The following RIMS1 variants were observed in gnomAD, a reference collection of about 807,000 sequenced individuals.
RIMS1 encodes regulating synaptic membrane exocytosis 1, also known as regulating synaptic membrane exocytosis protein 1.
A neutral mutation model predicts 214.1 loss-of-function variants in RIMS1; 83 were observed. The observed-to-expected ratio is 0.39, with a 90% CI of 0.32 to 0.47. The LOEUF is 0.47. RIMS1 is among the 20% of genes least tolerant of loss of function. RIMS1 has a pLI of 0.99. For missense variants in RIMS1, 2,050 were observed against 2,161.8 expected (o/e 0.95, Z 1.03); for synonymous variants, 793 against 786.8 (o/e 1.01, Z -0.13).
intron 1 of RIMS1, among the ~76,000 whole-genome samples, chr6:71,923,417 T>C (rs1780606592): frequency 6.6e-6 from 1 of 152,166 alleles, no homozygotes; most frequent in Admixed American, 6.5e-5. Flanking sequence ...GGGAGCACTG[T>C]CTTTCTCAGT....
intron 4 of RIMS1, among the ~76,000 whole-genome samples, chr6:72,177,824 G>T (rs2047922447): frequency 6.6e-6 from 1 of 152,134 alleles, no homozygotes; most frequent in South Asian, 2.1e-4. Context: ...GAAGGTCCTG[G>T]CCCTGGAGTA....
intron 4 of RIMS1, among the ~76,000 whole-genome samples, chr6:72,155,776 C>T (rs2153912812): frequency 7.1e-6 from 1 of 140,408 alleles, no homozygotes; most frequent in Non-Finnish European, 1.6e-5. Context: ...CCACCAGGTT[C>T]CTCCCATGAC....
intron 1 of RIMS1, among the ~76,000 whole-genome samples, chr6:71,943,315 C>A (rs572410708): frequency 6.6e-6 from 1 of 152,102 alleles, no homozygotes; most frequent in African/African-American, 2.4e-5. Context: ...CCTTTGGGAA[C>A]AATTTGTTGA....
intron 4 of RIMS1, among the ~76,000 whole-genome samples, chr6:72,150,441 A>G (rs538161261): frequency 6.6e-6 from 1 of 152,064 alleles, no homozygotes; most frequent in South Asian, 2.1e-4. Flanking sequence ...TCTGTTTAGG[A>G]TTTGTCTGCC....
intron 4 of RIMS1, among the ~76,000 whole-genome samples, chr6:72,104,935 ATTGAG>A (rs1458279066): frequency 4.0e-5 from 6 of 151,896 alleles, no homozygotes; most frequent in African/African-American, 2.4e-5. Context: ...TTATTTATTT[ATTGAG>A]TTATTTATTT....
chr6:72,237,374 A>G lies in RIMS1; in HGVS notation c.1858-449A>G, dbSNP rs559694507. Among the ~76,000 whole-genome samples the G allele has an allele frequency of 3.3e-5, 5 of 152,188 alleles. No homozygotes were observed. In the South Asian group the frequency reaches 1.0e-3, roughly 32 times the overall value. On this transcript the variant is annotated intron_variant, in intron 8 of 33. Transcript: ENST00000521978. ...TGTTTTCAAAACTGTGCTCCCAGCT[A>G]CTTTAATCAAAAATGTAGGTGAAGC...
At chr6:71,908,471 T>G (rs1026873230) in intron 1 of RIMS1, among the ~76,000 whole-genome samples, 5 of 152,030 alleles carry the variant, frequency 3.3e-5, no homozygotes, top group African/African-American at 1.2e-4. Context: ...AGATAGGAGG[T>G]GGACACTGCT....
At chr6:72,245,748 G>T in intron 10 of RIMS1, 67 bp from the exon 11 acceptor site, 1 of 1,211,556 alleles carries the variant, frequency 8.3e-7, no homozygotes, top group Non-Finnish European at 1.2e-6. Context: ...CACGTATAAT[G>T]GGCTATGATT....
chr6:72,036,356 A>T, intron 2 of RIMS1, among the ~76,000 whole-genome samples: 1 of 152,328 alleles, frequency 6.6e-6, no homozygotes, highest in Admixed American at 6.5e-5. Flanking sequence ...CTGGAAAATC[A>T]TACCCATTCA....
At chr6:71,948,297 A>G (rs1406944657) in intron 1 of RIMS1, among the ~76,000 whole-genome samples, 1 of 152,132 alleles carries the variant, frequency 6.6e-6, no homozygotes, top group Non-Finnish European at 1.5e-5. Context: ...ACTTGCTAGG[A>G]TTATGCTTCT....
chr6:72,394,774 A>G (rs948727387), intron 31 of RIMS1, among the ~76,000 whole-genome samples: 2 of 152,080 alleles, frequency 1.3e-5, no homozygotes, highest in Non-Finnish European at 2.9e-5. Flanking sequence ...ACTGAGGTCT[A>G]AAACAGAATT....
rs1416430433 is a variant in RIMS1 at position 72,307,311 on chromosome 6, T to C, written c.3904T>C (p.Phe1302Leu). The change falls in exon 27 of 34, where the codon TTT (phenylalanine) becomes CTT (leucine). Residue 1302 changes from phenylalanine (F) to leucine (L), a missense_variant. By Grantham distance (22) the Phe-to-Leu change is conservative (BLOSUM62 0). This residue lies in a region of RIMS1 where 889 missense variants were observed against 885.5 expected (regional missense o/e 1.00). Transcript: ENST00000521978. ...ACAGATGAAAATGAAAGTGCATCGA[T>C]TTAAGCAGACAACAGGGTCTGGTTC... is the stretch of plus-strand genomic sequence containing the variant. ...TRQMKMKVHR[F>L]KQTTGSGSSQ... The C allele has an allele frequency of 1.2e-6, 2 of 1,606,404 alleles. No individual in the cohort carries two copies. The highest frequency in any genetic ancestry group is 1.7e-6 in the Non-Finnish European group (2 of 1,176,516).
At chr6:72,245,594 A>C (rs2069104417) in intron 10 of RIMS1, among the ~76,000 whole-genome samples, 2 of 152,144 alleles carry the variant, frequency 1.3e-5, no homozygotes, top group African/African-American at 4.8e-5. Context: ...TTGTCATGTT[A>C]AAGTTTTGCT....
chr6:72,242,317 A>T lies in RIMS1; in HGVS notation c.1961A>T (p.Asp654Val). Residue 654 changes from aspartate (D) to valine (V), a missense_variant, in exon 10 of 34, where the codon GAT becomes GTT. Transcript: ENST00000521978. ...TACCCTTTTTTTTAAATTCAAGGGG[A>T]TGAAGTTCTAGAATGGAATGGTAAA... ...ADVVGHLRAG[D>V]EVLEWNGKPL... is the part of the protein sequence containing the mutation. 1.3e-6 allele frequency: 2 copies of T among 1,557,952 alleles called. No homozygotes were observed. The highest frequency in any genetic ancestry group is 1.7e-6 in the Non-Finnish European group (2 of 1,148,242).
At chr6:71,975,597 C>A (rs1583916634) in intron 2 of RIMS1, among the ~76,000 whole-genome samples, 1 of 152,228 alleles carries the variant, frequency 6.6e-6, no homozygotes, top group Non-Finnish European at 1.5e-5. Flanking sequence ...AATGCACATA[C>A]CATACAATTC....
chr6:72,351,615 C>G (rs1369142117), intron 29 of RIMS1, among the ~76,000 whole-genome samples: 1 of 152,142 alleles, frequency 6.6e-6, no homozygotes, highest in East Asian at 1.9e-4. Flanking sequence ...CATTGTCACA[C>G]AGCTAGTAAG....
intron 29 of RIMS1, among the ~76,000 whole-genome samples, chr6:72,366,526 A>G (rs1373371342): frequency 1.3e-5 from 2 of 152,202 alleles, no homozygotes; most frequent in African/African-American, 4.8e-5. Flanking sequence ...GCAGTTTTCA[A>G]ATTGTGGCCC....
chr6:72,029,541 T>C (rs2151998341), intron 2 of RIMS1, among the ~76,000 whole-genome samples: 1 of 152,230 alleles, frequency 6.6e-6, no homozygotes. Flanking sequence ...CACCAGACAC[T>C]GAATTTGTTG....
intron 1 of RIMS1, among the ~76,000 whole-genome samples, chr6:71,959,127 A>G (rs1229390791): frequency 1.3e-5 from 2 of 152,120 alleles, no homozygotes; most frequent in African/African-American, 2.4e-5. Flanking sequence ...AAAGGTGTAT[A>G]TTTCTCATGT....
Sources: allele counts gnomAD v4.1 joint callset (sites outside exome capture counted in the v4.1 genomes callset), GRCh38; gene constraint gnomAD v4.1.1; regional missense constraint gnomAD v4.1.1; transcripts MANE v1.5; gene names NCBI Gene and HGNC (gene_info 2026-07-23, HGNC 2026-07-21).